Variants in KDM6A observed in about 807,000 individuals in gnomAD.
KDM6A encodes lysine demethylase 6A, also known as lysine-specific demethylase 6A.
Under a neutral mutation model 117.6 loss-of-function variants are expected in KDM6A, and 11 were observed. The observed-to-expected ratio is 0.09, with a 90% CI of 0.06 to 0.15. KDM6A has a LOEUF of 0.15. KDM6A is among the 10% of genes least tolerant of loss of function. The pLI is 1.00. For synonymous variants in KDM6A, 384 were observed against 396.1 expected (o/e 0.97, Z 0.36); for missense variants, 799 against 1,077.3 (o/e 0.74, Z 3.62).
At chrX:45,002,447 C>T (rs1301561392) in intron 4 of KDM6A, among the ~76,000 whole-genome samples, 1 of 112,111 alleles carries the variant, frequency 8.9e-6, no homozygotes, top group Admixed American at 9.4e-5. Flanking sequence ...TAACTTTAGC[C>T]AGTATGTTTA....
At chrX:45,103,669 C>T (rs1021013609) in intron 27 of KDM6A, among the ~76,000 whole-genome samples, 5 of 112,063 alleles carry the variant, frequency 4.5e-5, no homozygotes, top group African/African-American at 1.3e-4. Context: ...AAAATTCTAT[C>T]GCTCTTTAAG....
intron 3 of KDM6A, among the ~76,000 whole-genome samples, chrX:44,963,642 C>T (rs2038851917): frequency 9.0e-6 from 1 of 111,124 alleles, no homozygotes; most frequent in Non-Finnish European, 1.9e-5. Context: ...AGCACATCTA[C>T]AGTTACTTCC....
chrX:44,896,366 C>T (rs1032778181), intron 2 of KDM6A, among the ~76,000 whole-genome samples: 4 of 111,046 alleles, frequency 3.6e-5, no homozygotes, highest in East Asian at 2.8e-4. Context: ...CGTGAGTCAC[C>T]GCGCCCGGCC....
chrX:45,002,254 A>G (rs2041178708), intron 4 of KDM6A, among the ~76,000 whole-genome samples: 1 of 111,134 alleles, frequency 9.0e-6, no homozygotes, highest in African/African-American at 3.3e-5. Flanking sequence ...TGTTAAACTC[A>G]GTTTTAATAA....
intron 2 of KDM6A, among the ~76,000 whole-genome samples, chrX:44,959,031 T>C (rs751439461): frequency 4.5e-5 from 5 of 111,351 alleles, no homozygotes; most frequent in Non-Finnish European, 7.5e-5. Context: ...GTATCTGATA[T>C]TAGAATTACC....
At chrX:44,968,341 A>T (rs2039138128) in intron 3 of KDM6A, among the ~76,000 whole-genome samples, 1 of 112,692 alleles carries the variant, frequency 8.9e-6, no homozygotes, top group African/African-American at 3.2e-5. Flanking sequence ...TCTTTCTTGA[A>T]GTGGGATATG....
At chrX:45,016,234 A>G (rs750808219) in intron 5 of KDM6A, among the ~76,000 whole-genome samples, 2 of 111,373 alleles carry the variant, frequency 1.8e-5, no homozygotes, top group South Asian at 7.5e-4. Context: ...TTACTTCATC[A>G]AATGTTTCTA....
chrX:45,040,491 G>A (rs1206147211), intron 8 of KDM6A, among the ~76,000 whole-genome samples: 6 of 75,510 alleles, frequency 7.9e-5, no homozygotes, highest in African/African-American at 1.6e-4. Context: ...CTGGCCAGGC[G>A]GGGGGCTGAC....
chrX:44,909,417 A>G (rs1410585664), intron 2 of KDM6A, among the ~76,000 whole-genome samples: 1 of 111,355 alleles, frequency 9.0e-6, no homozygotes, highest in Non-Finnish European at 1.9e-5. Context: ...GTTTACTTGC[A>G]TGGTGGGCAC....
At chrX:44,986,959 A>C (rs777840656) in intron 4 of KDM6A, among the ~76,000 whole-genome samples, 1 of 110,807 alleles carries the variant, frequency 9.0e-6, no homozygotes, top group Admixed American at 9.6e-5. Flanking sequence ...CAATTCCTGG[A>C]TATCCTTGTT....
rs191469348 is a variant in KDM6A at position 45,097,496 on chromosome X, A to G, written c.4034+6632A>G. 1.2e-3 allele frequency among the ~76,000 whole-genome samples: 134 copies of G among 111,633 alleles called. 1 individual carries two copies. The highest frequency in any genetic ancestry group is 2.0e-3 in the Non-Finnish European group (106 of 53,041). ...ACTAAAACATAGAAATAGTCACTCTAATGAGCTAAGTGAATACCGTAAGTA... is the reference window on the plus strand; with the variant it reads ...ACTAAAACATAGAAATAGTCACTCTGATGAGCTAAGTGAATACCGTAAGTA... On this transcript the variant is annotated intron_variant, in intron 27 of 29. Transcript: ENST00000611820.
chrX:44,877,064 C>T (rs1312969998), intron 2 of KDM6A, among the ~76,000 whole-genome samples: 1 of 111,738 alleles, frequency 8.9e-6, no homozygotes, highest in Admixed American at 9.5e-5. Flanking sequence ...TGCGTATACA[C>T]ATATATGTAT....
intron 2 of KDM6A, among the ~76,000 whole-genome samples, chrX:44,896,433 A>G (rs982750096): frequency 8.1e-5 from 9 of 111,478 alleles, no homozygotes; most frequent in Non-Finnish European, 1.3e-4. Flanking sequence ...ACAACACATC[A>G]GATGGTGTGA....
intron 8 of KDM6A, among the ~76,000 whole-genome samples, chrX:45,050,264 C>G (rs937548917): frequency 1.8e-5 from 2 of 112,507 alleles, no homozygotes; most frequent in Non-Finnish European, 3.8e-5. Flanking sequence ...CACTTGAACC[C>G]GGGAGGCGGA....
At chrX:44,961,654 G>A (rs2038677340) in intron 3 of KDM6A, among the ~76,000 whole-genome samples, 1 of 112,030 alleles carries the variant, frequency 8.9e-6, no homozygotes. Flanking sequence ...ATAGTAGAAA[G>A]TGACCCAGTT....
At chrX:44,924,625 A>G (rs758472882) in intron 2 of KDM6A, among the ~76,000 whole-genome samples, 38 of 102,145 alleles carry the variant, frequency 3.7e-4, no homozygotes, top group African/African-American at 1.3e-3. Context: ...GGATATTTCC[A>G]GTGTTTGTTT....
intron 14 of KDM6A, 107 bp from the exon 15 acceptor site, chrX:45,061,217 A>C: frequency 2.3e-6 from 1 of 439,928 alleles, no homozygotes; most frequent in East Asian, 4.2e-5. Context: ...TCTTTTTAAC[A>C]TGTAAATATT....
At chrX:45,004,248 G>A (rs747986035) in intron 4 of KDM6A, among the ~76,000 whole-genome samples, 1 of 111,079 alleles carries the variant, frequency 9.0e-6, no homozygotes, top group Non-Finnish European at 1.9e-5. Context: ...TGGTCCTCCA[G>A]ATGGAGACTG....
chrX:45,038,600 G>C (rs900072622), intron 8 of KDM6A, among the ~76,000 whole-genome samples: 1 of 107,892 alleles, frequency 9.3e-6, no homozygotes. Flanking sequence ...ATTTGGGGGG[G>C]GGTGGTTGGA....
Sources: allele counts gnomAD v4.1 joint callset (sites outside exome capture counted in the v4.1 genomes callset), GRCh38; gene constraint gnomAD v4.1.1; transcripts MANE v1.5; gene names NCBI Gene and HGNC (gene_info 2026-07-23, HGNC 2026-07-21).